OTULINL: variants seen among roughly 807,000 people sequenced by gnomAD.
The protein encoded by OTULINL is OTU deubiquitinase with linear linkage specificity like.
In OTULINL, 42 loss-of-function variants were observed where a neutral mutation model predicts 43.9. That is an observed-to-expected ratio of 0.96 (90% CI 0.75 to 1.24). The LOEUF (loss-of-function observed/expected upper bound fraction) is 1.24, where lower values mean the gene tolerates loss of function less well. Among genes scored for constraint, OTULINL ranks in the 50% most tolerant of loss-of-function variants. The pLI, the probability that OTULINL is intolerant of heterozygous loss-of-function variation, is 0.00. For missense variants in OTULINL, 411 were observed against 426.4 expected, an observed-to-expected ratio of 0.96 and a Z score of 0.32; for synonymous variants, 172 against 153.6, an observed-to-expected ratio of 1.12 and a Z score of -0.88.
At chr5:14,599,002 A>G (rs933841767) in intron 1 of OTULINL, among the ~76,000 whole-genome samples, 2 of 152,222 alleles carry the variant, frequency 1.3e-5, no homozygotes, top group Admixed American at 6.5e-5. Context: ...ATCAAGCTAA[A>G]TTAATAAAAA....
chr5:14,612,099 A>G lies in OTULINL; in HGVS notation c.*1785A>G, dbSNP rs1759592721. The stretch of plus-strand genomic sequence containing the variant: ...AGTCCCTGCCTGTTTGGAAACATCT[A>G]TGGTTTTGTATAACCCCTGTCATTT... On this transcript the variant is annotated 3_prime_UTR_variant, in exon 8 of 8. Coordinates refer to ENST00000274217, the MANE Select transcript of OTULINL (RefSeq NM_019018.3). 2 of 152,218 alleles carry G rather than the reference A, an allele frequency of 1.3e-5. No individual in the cohort carries two copies. The highest frequency in any genetic ancestry group is 6.5e-5 in the Admixed American group (1 of 15,278). The allele number at this position is 152,218 out of a possible 1,614,324, so 9.4% of individuals were successfully genotyped here. A position where few individuals can be genotyped will look rare whatever the true frequency, so the allele number is the denominator to read the frequency against.
intron 7 of OTULINL, among the ~76,000 whole-genome samples, chr5:14,609,928 C>T (rs576194664): frequency 1.2e-3 from 176 of 152,284 alleles, no homozygotes; most frequent in African/African-American, 3.9e-3. Flanking sequence ...GTGATTTTTA[C>T]ATGCTAGTCT....
At position 14,613,934 on chromosome 5, in the gene OTULINL, A is replaced by T. The variant is rs115385846; in HGVS notation, c.*3620A>T. Among the ~76,000 whole-genome samples the T allele has an allele frequency of 0.014, 2,061 of 152,322 alleles. 55 individuals are homozygous for T. Among genetic ancestry groups the T allele is most frequent in the African/African-American group, 0.047 (1,967 of 41,556 alleles). ...AGTTTCTCCTATTTTAGTGAGACCA[A>T]AGAAAGACAATTTTAATTGTGTCCA... On this transcript the variant is annotated 3_prime_UTR_variant, in exon 8 of 8. Transcript: ENST00000274217.
chr5:14,606,133 G>C (rs1445481462), intron 5 of OTULINL, among the ~76,000 whole-genome samples: 2 of 152,226 alleles, frequency 1.3e-5, no homozygotes, highest in African/African-American at 2.4e-5. Context: ...GTTCCATGTG[G>C]CTGGGGAAGC....
In OTULINL at chr5:14,613,986, A is replaced by G. The variant is rs539076608; in HGVS notation, c.*3672A>G. 6.6e-6 allele frequency among the ~76,000 whole-genome samples: 1 copy of G among 152,252 alleles called. No homozygotes were observed. Among genetic ancestry groups the G allele is most frequent in the African/African-American group, 2.4e-5 (1 of 41,460 alleles). ...GCTGACTTTTTTGAATGCTCTGGAA[A>G]TGTTGGAATTCCACATCAAAGTACG... On this transcript the variant is annotated 3_prime_UTR_variant, in exon 8 of 8. Transcript: ENST00000274217.
At position 14,607,401 on chromosome 5, in the gene OTULINL, T is replaced by A; in HGVS notation, c.570T>A (p.Tyr190Ter). Residue 190 changes from tyrosine to a stop codon, truncating the protein, a stop_gained, in exon 6 of 8, where the codon TAT (tyrosine) becomes TAA (stop). Coordinates refer to ENST00000274217, the MANE Select transcript of OTULINL (RefSeq NM_019018.3). LOFTEE classifies it high-confidence loss of function. ...IQQYSFGPEK[Y>*]TGSNVFGKLR... is the part of the protein sequence containing the mutation. Reference sequence around the variant, plus strand: ...AGTACAGTTTTGGTCCTGAGAAGTATACAGGCTCGAATGTGTTTGGAAAAC... The same window carrying A: ...AGTACAGTTTTGGTCCTGAGAAGTAAACAGGCTCGAATGTGTTTGGAAAAC... 1 of 1,614,200 alleles carries A rather than the reference T, an allele frequency of 6.2e-7. No homozygotes were observed. The highest frequency in any genetic ancestry group is 8.5e-7 in the Non-Finnish European group (1 of 1,180,020).
chr5:14,596,443 A>G (rs1759288793), intron 1 of OTULINL, among the ~76,000 whole-genome samples: 1 of 152,190 alleles, frequency 6.6e-6, no homozygotes, highest in Admixed American at 6.5e-5. Flanking sequence ...AGGTCATCAG[A>G]ACTGTCATTA....
intron 1 of OTULINL, among the ~76,000 whole-genome samples, chr5:14,593,297 A>G (rs942363077): frequency 6.6e-6 from 1 of 152,142 alleles, no homozygotes; most frequent in African/African-American, 2.4e-5. Flanking sequence ...ATGGTGGGAG[A>G]TGGTAGCCAA....
Position 14,602,255 on chromosome 5 carries a change from C to G in OTULINL, c.421C>G (p.Leu141Val), listed in dbSNP as rs1420599016. The part of the protein sequence containing the change: ...RQVRRDNYDA[L>V]RSVLFQIFSQ... ...AGTAAGGAGAGATAACTATGATGCT[C>G]TCAGATCAGTGTTATTTCAGATATT... The change falls in exon 5 of 8, where the codon CTC becomes GTC. Residue 141 changes from leucine to valine, a missense_variant. By Grantham distance (32) the Leu-to-Val change is conservative. Coordinates refer to ENST00000274217, the MANE Select transcript of OTULINL (RefSeq NM_019018.3). The G allele has an allele frequency of 5.0e-6, 8 of 1,613,192 alleles. No individual in the cohort carries two copies. Among genetic ancestry groups the G allele is most frequent in the Middle Eastern group, 1.6e-4 (1 of 6,080 alleles).
chr5:14,598,584 G>A (rs140861681), intron 1 of OTULINL, among the ~76,000 whole-genome samples: 10 of 152,294 alleles, frequency 6.6e-5, no homozygotes, highest in African/African-American at 2.2e-4. Flanking sequence ...AATGATCCAA[G>A]TGTTTATCAA....
At chr5:14,585,855 G>T (rs567467880) in intron 1 of OTULINL, among the ~76,000 whole-genome samples, 26 of 152,316 alleles carry the variant, frequency 1.7e-4, no homozygotes, top group Admixed American at 5.2e-4. Context: ...CAGAGTTCTA[G>T]CTTCTACCTG....
intron 6 of OTULINL, among the ~76,000 whole-genome samples, chr5:14,607,977 A>G (rs1278159576): frequency 6.6e-6 from 1 of 152,220 alleles, no homozygotes; most frequent in Non-Finnish European, 1.5e-5. Flanking sequence ...AAACATCAAT[A>G]GTGTATATCC....
At chr5:14,595,856 C>T (rs996913802) in intron 1 of OTULINL, among the ~76,000 whole-genome samples, 6 of 151,518 alleles carry the variant, frequency 4.0e-5, no homozygotes, top group Admixed American at 3.3e-4. Flanking sequence ...ATGCTGATGA[C>T]TAGGGGGATG....
In OTULINL at chr5:14,610,891, T is replaced by C. The variant is rs893302081; in HGVS notation, c.*577T>C. On this transcript the variant is annotated 3_prime_UTR_variant, in exon 8 of 8. Coordinates refer to ENST00000274217, the MANE Select transcript of OTULINL (RefSeq NM_019018.3). Reference sequence around the variant, plus strand: ...ACACACATGTATCTGTATAGTTTTATATATACATATATACACATAGACATA... The same window carrying C: ...ACACACATGTATCTGTATAGTTTTACATATACATATATACACATAGACATA... 6.6e-5 allele frequency: 10 copies of C among 152,408 alleles called. No homozygotes were observed. The highest frequency in any genetic ancestry group is 5.2e-4 in the Admixed American group (8 of 15,308). The allele number at this position is 152,408 out of a possible 1,614,324, so 9.4% of individuals were successfully genotyped here. A position where few individuals can be genotyped will look rare whatever the true frequency, so the allele number is the denominator to read the frequency against.
chr5:14,586,574 A>T (rs535659567), intron 1 of OTULINL, among the ~76,000 whole-genome samples: 10 of 152,234 alleles, frequency 6.6e-5, no homozygotes, highest in African/African-American at 2.2e-4. Context: ...TGATTTAACC[A>T]TGTTACTATG....
rs746961319 is a variant in OTULINL at position 14,607,459 on chromosome 5, G to A, written c.627+1G>A. ...ATATGTGGAATTATTGAAAACACAG[G>A]TAAGTGTTTGCGGGGGAAATAAAAA... On this transcript the variant is annotated splice_donor_variant, in intron 6 of 7. Transcript: ENST00000274217. LOFTEE classifies it high-confidence loss of function. The A allele has an allele frequency of 1.9e-6, 3 of 1,613,640 alleles. No individual in the cohort carries two copies. In the South Asian group the frequency reaches 3.3e-5, roughly 18 times the overall value.
At chr5:14,590,592 G>A (rs1490850410) in intron 1 of OTULINL, among the ~76,000 whole-genome samples, 1 of 152,302 alleles carries the variant, frequency 6.6e-6, no homozygotes, top group South Asian at 2.1e-4. Context: ...CGGGGAGGTG[G>A]CCAAGGAGGC....
At chr5:14,594,124 C>T (rs1252078334) in intron 1 of OTULINL, among the ~76,000 whole-genome samples, 1 of 152,030 alleles carries the variant, frequency 6.6e-6, no homozygotes, top group Non-Finnish European at 1.5e-5. Flanking sequence ...CTGAATATCT[C>T]CCCCGTAACT....
intron 7 of OTULINL, among the ~76,000 whole-genome samples, chr5:14,609,318 G>T (rs1759534391): frequency 6.6e-6 from 1 of 152,196 alleles, no homozygotes; most frequent in African/African-American, 2.4e-5. Context: ...CCAGGAAAAA[G>T]TCCAGGTGGA....
Sources: gnomAD v4.1 joint callset for allele counts (sites outside exome capture counted in the v4.1 genomes callset) on GRCh38, gnomAD v4.1.1 for gene constraint, MANE v1.5 for transcripts, NCBI Gene and HGNC (gene_info 2026-07-23, HGNC 2026-07-21) for gene names.